Variants in NFILZ observed in about 807,000 individuals in gnomAD.
NFILZ encodes the protein NFIL3 like protein.
At chr19:8,653,038 T>TTCTTTCTTTCTCTCTCCCTCTC (rs1555747925) in intron 3 of NFILZ, among the ~76,000 whole-genome samples, 14 of 90,586 alleles carry the variant, frequency 1.5e-4, no homozygotes, top group Non-Finnish European at 2.2e-4. Flanking sequence ...CTTTCTTTCT[T>TTCTTTCTTTCTCTCTCCCTCTC]TCTCTCTCTC....
chr19:8,669,598 TC>T (rs1346188029), intron 3 of NFILZ, among the ~76,000 whole-genome samples: 1 of 152,192 alleles, frequency 6.6e-6, no homozygotes, highest in Admixed American at 6.5e-5. Flanking sequence ...CCTCTACCCT[TC>T]AGAGGTGCTA....
At chr19:8,661,839 C>G (rs374646688) in intron 3 of NFILZ, among the ~76,000 whole-genome samples, 1 of 152,080 alleles carries the variant, frequency 6.6e-6, no homozygotes, top group South Asian at 2.1e-4. Flanking sequence ...AAGCAGAGAT[C>G]GCGCCACTGT....
intron 3 of NFILZ, among the ~76,000 whole-genome samples, chr19:8,661,975 G>A (rs189565281): frequency 6.6e-6 from 1 of 152,246 alleles, no homozygotes; most frequent in Non-Finnish European, 1.5e-5. Context: ...TGAGGAAGGA[G>A]GGTCCACTGA....
intron 3 of NFILZ, among the ~76,000 whole-genome samples, chr19:8,655,034 G>A (rs1372848194): frequency 1.3e-5 from 2 of 152,184 alleles, no homozygotes; most frequent in South Asian, 2.1e-4. Flanking sequence ...TGCCTGGGAT[G>A]CCCTTTCATT....
rs141308028 is a variant in NFILZ at position 8,665,230 on chromosome 19, T to C, written c.-163-9321T>C. Reference sequence around the variant, plus strand: ...GGTGGGCTTCCTGTAGGAGGTAGCATCTAAGCTGTGTCTTAAAGGACAAAT... The same window carrying C: ...GGTGGGCTTCCTGTAGGAGGTAGCACCTAAGCTGTGTCTTAAAGGACAAAT... On this transcript the variant is annotated intron_variant, in intron 3 of 5. Coordinates refer to ENST00000691075, the MANE Select transcript of NFILZ (RefSeq NM_001378600.1). 3.3e-3 allele frequency among the ~76,000 whole-genome samples: 495 copies of C among 152,216 alleles called. 1 individual carries two copies. Among genetic ancestry groups the C allele is most frequent in the Non-Finnish European group, 5.0e-3 (339 of 68,016 alleles).
chr19:8,649,036 C>G (rs1555747462), intron 3 of NFILZ, among the ~76,000 whole-genome samples: 1 of 151,948 alleles, frequency 6.6e-6, no homozygotes, highest in Non-Finnish European at 1.5e-5. Flanking sequence ...GATCATGGTT[C>G]ACTGCAGCCT....
At chr19:8,644,326 C>T (rs1164052255) in intron 3 of NFILZ, among the ~76,000 whole-genome samples, 3 of 152,038 alleles carry the variant, frequency 2.0e-5, no homozygotes, top group African/African-American at 7.2e-5. Flanking sequence ...GTCTCCAACT[C>T]CTGACCTCAA....
chr19:8,633,677 C>T (rs879959245), intron 2 of NFILZ, among the ~76,000 whole-genome samples: 1 of 152,078 alleles, frequency 6.6e-6, no homozygotes, highest in Admixed American at 6.6e-5. Flanking sequence ...TCCCTTCCTG[C>T]CCCCTCTGAA....
At chr19:8,656,426 C>CCT (rs2043000197) in intron 3 of NFILZ, among the ~76,000 whole-genome samples, 1 of 100,848 alleles carries the variant, frequency 9.9e-6, no homozygotes, top group African/African-American at 3.5e-5. Context: ...CCACCTCTTT[C>CCT]CGCAGCCCAC....
chr19:8,652,280 C>G (rs201182349), intron 3 of NFILZ, among the ~76,000 whole-genome samples: 1 of 151,922 alleles, frequency 6.6e-6, no homozygotes, highest in Non-Finnish European at 1.5e-5. Flanking sequence ...TTTTTTTGTA[C>G]TTTTAGTAGA....
intron 3 of NFILZ, among the ~76,000 whole-genome samples, chr19:8,641,644 A>G (rs1468460194): frequency 6.6e-6 from 1 of 152,152 alleles, no homozygotes; most frequent in Non-Finnish European, 1.5e-5. Context: ...ACTTCATGAC[A>G]GCCCTTGGTG....
chr19:8,652,989 TTCCTTCCTTCCTTCCTTC>T (rs2042972959), intron 3 of NFILZ, among the ~76,000 whole-genome samples: 49 of 30,136 alleles, frequency 1.6e-3, no homozygotes, highest in African/African-American at 7.2e-3. Flanking sequence ...CCTTCCTTCC[TTCCTTCCTTCCTTCCTTC>T]CTTCCTTTCT....
chr19:8,660,688 AGTT>A (rs2043026347), intron 3 of NFILZ, among the ~76,000 whole-genome samples: 1 of 132,564 alleles, frequency 7.5e-6, no homozygotes, highest in Non-Finnish European at 1.6e-5. Flanking sequence ...CCCAGGTTGG[AGTT>A]CGATGGTGCA....
chr19:8,674,766 C>G (rs2043103566), intron 4 of NFILZ, among the ~76,000 whole-genome samples, 166 bp downstream of exon 4: 2 of 152,200 alleles, frequency 1.3e-5, no homozygotes, highest in South Asian at 4.1e-4. Context: ...TATCCTCTGT[C>G]AAACATGACC....
chr19:8,675,979 T>C (rs939689734), intron 4 of NFILZ, among the ~76,000 whole-genome samples: 1 of 152,152 alleles, frequency 6.6e-6, no homozygotes, highest in African/African-American at 2.4e-5. Flanking sequence ...TTAAAAAAAA[T>C]GAATCTCTCA....
At chr19:8,666,507 C>T (rs2043062960) in intron 3 of NFILZ, among the ~76,000 whole-genome samples, 1 of 151,962 alleles carries the variant, frequency 6.6e-6, no homozygotes, top group Non-Finnish European at 1.5e-5. Flanking sequence ...ATAGACACAT[C>T]TTACCATTTT....
At chr19:8,670,077 A>G (rs2043079714) in intron 3 of NFILZ, among the ~76,000 whole-genome samples, 1 of 151,660 alleles carries the variant, frequency 6.6e-6, no homozygotes, top group Non-Finnish European at 1.5e-5. Context: ...TTTTTGGACC[A>G]TGAGAGCTCA....
At chr19:8,672,342 C>A (rs2043091681) in intron 3 of NFILZ, among the ~76,000 whole-genome samples, 1 of 149,976 alleles carries the variant, frequency 6.7e-6, no homozygotes, top group Admixed American at 6.6e-5. Flanking sequence ...TTCAAAAAAA[C>A]CACACATTTA....
intron 3 of NFILZ, among the ~76,000 whole-genome samples, chr19:8,653,292 T>A (rs111326801): frequency 1.3e-5 from 2 of 151,844 alleles, no homozygotes; most frequent in Admixed American, 1.3e-4. Flanking sequence ...TGTTGGCCAG[T>A]CTGGCCTCGA....
Sources: gnomAD v4.1 joint callset for allele counts (sites outside exome capture counted in the v4.1 genomes callset) on GRCh38, gnomAD v4.1.1 for gene constraint, MANE v1.5 for transcripts, NCBI Gene and HGNC (gene_info 2026-07-23, HGNC 2026-07-21) for gene names.